SH3PXD2A: variants seen among roughly 807,000 people sequenced by gnomAD.
The protein encoded by SH3PXD2A is SH3 and PX domain-containing protein 2A.
Under a neutral mutation model 115.2 loss-of-function variants are expected in SH3PXD2A, and 32 were observed. The observed-to-expected ratio is 0.28, with a 90% CI of 0.21 to 0.37. The LOEUF is 0.37. SH3PXD2A is among the 10% of genes least tolerant of loss of function. The pLI is 1.00. For missense variants in SH3PXD2A, 1,328 were observed against 1,498.7 expected (o/e 0.89, Z 1.88); for synonymous variants, 610 against 629.1 (o/e 0.97, Z 0.45).
At chr10:103,786,953 A>G (rs942961241) in intron 2 of SH3PXD2A, among the ~76,000 whole-genome samples, 2 of 152,168 alleles carry the variant, frequency 1.3e-5, no homozygotes, top group African/African-American at 2.4e-5. Flanking sequence ...GAGGTGAGAG[A>G]AGCCCTTGGC....
intron 14 of SH3PXD2A, among the ~76,000 whole-genome samples, chr10:103,604,273 C>A (rs1230786291): frequency 6.6e-6 from 1 of 152,186 alleles, no homozygotes. Flanking sequence ...CTGGGAGGTA[C>A]AGGCCCGAGG....
intron 7 of SH3PXD2A, chr10:103,661,973 C>A: frequency 1.0e-6 from 1 of 985,306 alleles, no homozygotes; most frequent in Non-Finnish European, 1.2e-6. Flanking sequence ...GCGCTGCCAC[C>A]GAGCCCAGGC....
At chr10:103,794,795 T>C (rs1245450586) in intron 2 of SH3PXD2A, among the ~76,000 whole-genome samples, 1 of 152,256 alleles carries the variant, frequency 6.6e-6, no homozygotes, top group African/African-American at 2.4e-5. Flanking sequence ...GCCTCACCTC[T>C]TCCCTGTTCT....
chr10:103,764,674 C>T (rs1335364047), intron 3 of SH3PXD2A, among the ~76,000 whole-genome samples: 1 of 152,206 alleles, frequency 6.6e-6, no homozygotes, highest in Non-Finnish European at 1.5e-5. Flanking sequence ...TTTTAATCCT[C>T]ACTGCAATCC....
rs1316265050 is a variant in SH3PXD2A, at chr10:103,700,782, TG to T, written c.399-7727del. 8.5e-5 allele frequency among the ~76,000 whole-genome samples: 13 copies of T among 152,268 alleles called. No individual in the cohort carries two copies. In the East Asian group the frequency reaches 2.5e-3, roughly 29 times the overall value. ...GTAAATGCCAGACTGTTCTTGGCTA[TG>T]GGGGTTCCCTGGACTTCCAGGGGCT... On this transcript the variant is annotated intron_variant, in intron 5 of 14. Coordinates refer to ENST00000369774, the MANE Select transcript of SH3PXD2A (RefSeq NM_001394015.1).
At chr10:103,648,801 C>T (rs1209947953) in intron 8 of SH3PXD2A, among the ~76,000 whole-genome samples, 1 of 152,230 alleles carries the variant, frequency 6.6e-6, no homozygotes, top group Non-Finnish European at 1.5e-5. Context: ...CACCTCCCAC[C>T]CTTTTGTCAG....
intron 1 of SH3PXD2A, among the ~76,000 whole-genome samples, chr10:103,849,150 C>T (rs1392326077): frequency 4.0e-5 from 6 of 151,876 alleles, no homozygotes; most frequent in Non-Finnish European, 8.8e-5. Flanking sequence ...GCTGCCTGGA[C>T]TCACTGGTTA....
chr10:103,822,750 TA>T (rs2039394249), intron 1 of SH3PXD2A, among the ~76,000 whole-genome samples: 1 of 152,092 alleles, frequency 6.6e-6, no homozygotes, highest in Non-Finnish European at 1.5e-5. Flanking sequence ...AAACCCAAAG[TA>T]ATAAGCTGAA....
At chr10:103,639,308 C>T (rs2036913187) in intron 8 of SH3PXD2A, among the ~76,000 whole-genome samples, 1 of 152,102 alleles carries the variant, frequency 6.6e-6, no homozygotes, top group Non-Finnish European at 1.5e-5. Context: ...GGGATTATTC[C>T]AGATGAAAAT....
intron 8 of SH3PXD2A, among the ~76,000 whole-genome samples, chr10:103,631,653 C>T (rs1050440933): frequency 1.3e-5 from 2 of 152,212 alleles, no homozygotes; most frequent in Non-Finnish European, 2.9e-5. Flanking sequence ...GAGGGAAGGA[C>T]GGAGCCCACC....
intron 1 of SH3PXD2A, among the ~76,000 whole-genome samples, chr10:103,832,573 A>T (rs1299262781): frequency 6.6e-6 from 1 of 152,216 alleles, no homozygotes; most frequent in Non-Finnish European, 1.5e-5. Flanking sequence ...CTATGCAGCC[A>T]TAAAAAAGGA....
chr10:103,773,296 G>C (rs1309128724), intron 2 of SH3PXD2A, among the ~76,000 whole-genome samples: 1 of 151,776 alleles, frequency 6.6e-6, no homozygotes, highest in Non-Finnish European at 1.5e-5. Context: ...CAAGATTGCG[G>C]GAAACCTCAG....
At chr10:103,749,035 C>A (rs1322079478) in intron 3 of SH3PXD2A, among the ~76,000 whole-genome samples, 2 of 151,918 alleles carry the variant, frequency 1.3e-5, no homozygotes, top group Non-Finnish European at 2.9e-5. Flanking sequence ...ATATAACAGG[C>A]ATGTGCCACC....
intron 5 of SH3PXD2A, among the ~76,000 whole-genome samples, chr10:103,712,967 G>C (rs1257377877): frequency 6.6e-6 from 1 of 152,236 alleles, no homozygotes; most frequent in Non-Finnish European, 1.5e-5. Context: ...TCTGCAGAAA[G>C]GAGCATGGGC....
chr10:103,629,786 C>G (rs2036751541), intron 8 of SH3PXD2A, among the ~76,000 whole-genome samples: 1 of 152,232 alleles, frequency 6.6e-6, no homozygotes, highest in Non-Finnish European at 1.5e-5. Flanking sequence ...TCCCAGGGCT[C>G]TGTCTCCATG....
At chr10:103,804,265 T>C (rs1408242783) in intron 1 of SH3PXD2A, among the ~76,000 whole-genome samples, 1 of 151,542 alleles carries the variant, frequency 6.6e-6, no homozygotes, top group Non-Finnish European at 1.5e-5. Context: ...AGGGAGTACA[T>C]TCAGATGGTT....
rs145560929 is a variant in SH3PXD2A, at chr10:103,666,070, A to G, written c.472+2538T>C. Among the ~76,000 whole-genome samples, 364 of 152,162 alleles carry G rather than the reference A, an allele frequency of 2.4e-3. 2 individuals carry two copies. Among genetic ancestry groups the G allele is most frequent in the Admixed American group, 6.7e-3 (102 of 15,298 alleles). On this transcript the variant is annotated intron_variant, in intron 7 of 14. Coordinates refer to ENST00000369774, the MANE Select transcript of SH3PXD2A (RefSeq NM_001394015.1). The surrounding 1 kb of genome is among the most constrained non-coding windows in gnomAD (Gnocchi z 4.5). ...CCCTGGCTGCCAACTTAAACTTCTC[A>G]ACTGGGCTTTTGCCAAGTCAGTCCC...
chr10:103,793,306 G>C (rs1434498407), intron 2 of SH3PXD2A, among the ~76,000 whole-genome samples: 1 of 151,946 alleles, frequency 6.6e-6, no homozygotes, highest in Non-Finnish European at 1.5e-5. Flanking sequence ...ATATGTACCT[G>C]CAAAATATAA....
In SH3PXD2A at chr10:103,784,614, G is replaced by A. The variant is rs1056533878; in HGVS notation, c.153+16668C>T. ...AAATAAACACTGGAGAGAAGCTGCA[G>A]CACAGAGAAGCACTGGCAGCGGCTG... is the stretch of plus-strand genomic sequence containing the variant. On this transcript the variant is annotated intron_variant, in intron 2 of 14. Transcript: ENST00000369774. The surrounding 1 kb of genome is among the most constrained non-coding windows in gnomAD (Gnocchi z 4.4). Among the ~76,000 whole-genome samples, 2 of 152,192 alleles carry A rather than the reference G, an allele frequency of 1.3e-5. No homozygotes were observed. Among genetic ancestry groups the A allele is most frequent in the African/African-American group, 4.8e-5 (2 of 41,448 alleles).
Sources: gnomAD v4.1 joint callset for allele counts (sites outside exome capture counted in the v4.1 genomes callset) on GRCh38, gnomAD v4.1.1 for gene constraint, Gnocchi (gnomAD v3.1) non-coding constraint, MANE v1.5 for transcripts, NCBI Gene and HGNC (gene_info 2026-07-23, HGNC 2026-07-21) for gene names.